Variants in SFSWAP observed in about 807,000 individuals in gnomAD.
SFSWAP encodes the protein splicing factor SWAP.
A neutral mutation model predicts 100.7 loss-of-function variants in SFSWAP; 17 were observed. That is an observed-to-expected ratio of 0.17 (90% CI 0.12 to 0.25). The LOEUF is 0.25. SFSWAP is among the 10% of genes least tolerant of loss of function. The probability of loss-of-function intolerance (pLI) is 1.00; values close to 1 mark genes in which losing one functional copy is unlikely to be tolerated. For synonymous variants in SFSWAP, 504 were observed against 510.1 expected (o/e 0.99, Z 0.16); for missense variants, 1,005 against 1,262.6 (o/e 0.80, Z 3.09).
chr12:131,758,908 G>A (rs1882415711), intron 11 of SFSWAP, among the ~76,000 whole-genome samples: 1 of 152,094 alleles, frequency 6.6e-6, no homozygotes, highest in African/African-American at 2.4e-5. Flanking sequence ...AACATCGTGA[G>A]ACCATGTCTC....
intron 7 of SFSWAP, among the ~76,000 whole-genome samples, chr12:131,743,081 G>A (rs1338117080): frequency 1.3e-5 from 2 of 152,306 alleles, no homozygotes; most frequent in East Asian, 3.9e-4. Flanking sequence ...CTCCCACCAG[G>A]TTCCTCCCAC....
At chr12:131,764,720 A>G (rs1193559893) in intron 12 of SFSWAP, 34 bp downstream of exon 12, 2 of 1,454,942 alleles carry the variant, frequency 1.4e-6, no homozygotes, top group East Asian at 2.3e-5. Flanking sequence ...CTTGAAAGAA[A>G]GGAAATACAC....
intron 4 of SFSWAP, among the ~76,000 whole-genome samples, chr12:131,721,798 T>C (rs952662920): frequency 6.6e-6 from 1 of 152,242 alleles, no homozygotes; most frequent in Non-Finnish European, 1.5e-5. Flanking sequence ...TGCTGTCTTA[T>C]CATTAGAGTT....
intron 7 of SFSWAP, among the ~76,000 whole-genome samples, chr12:131,741,488 T>TTAAGTGACCATAA (rs1175979154): frequency 6.6e-6 from 1 of 151,132 alleles, no homozygotes; most frequent in Non-Finnish European, 1.5e-5. Flanking sequence ...ATTAAGAAAA[T>TTAAGTGACCATAA]TAAGTGACCA....
intron 7 of SFSWAP, among the ~76,000 whole-genome samples, chr12:131,736,728 G>A (rs1301148749): frequency 6.6e-6 from 1 of 152,178 alleles, no homozygotes; most frequent in African/African-American, 2.4e-5. Flanking sequence ...TAAGACTTAG[G>A]AGAAGACGGA....
In SFSWAP at chr12:131,753,225, C is replaced by T; in HGVS notation, c.1184C>T (p.Thr395Ile). 1 of 1,614,222 alleles carries T rather than the reference C, an allele frequency of 6.2e-7. No individual in the cohort carries two copies. Among genetic ancestry groups the T allele is most frequent in the East Asian group, 2.2e-5 (1 of 44,888 alleles). Residue 395 changes from threonine (T) to isoleucine (I), a missense_variant, in exon 8 of 18, where the codon ACC becomes ATC. Physicochemically the swap from Thr to Ile is moderately conservative, Grantham distance 89 (BLOSUM62 -1). Around this residue, in one of 7 missense-constraint regions of SFSWAP, gnomAD observed 311 missense variants for 317.8 expected, o/e 0.98. Transcript: ENST00000261674. ...ATCGACGTGACTACTTACTACAGCA[C>T]CCTTCCTGCTGGCGTGACCGTGTCT... is the stretch of plus-strand genomic sequence containing the variant. The part of the protein sequence containing the change: ...PGIDVTTYYS[T>I]LPAGVTVSNS...
At chr12:131,732,911 TGGGGCAAACCTG>T (rs2136196240) in intron 7 of SFSWAP, among the ~76,000 whole-genome samples, 1 of 152,228 alleles carries the variant, frequency 6.6e-6, no homozygotes, top group African/African-American at 2.4e-5. Flanking sequence ...GACTCTCAGT[TGGGGCAAACCTG>T]GGGCCCCGTG....
At chr12:131,762,752 C>T (rs1882783658) in intron 11 of SFSWAP, among the ~76,000 whole-genome samples, 1 of 152,178 alleles carries the variant, frequency 6.6e-6, no homozygotes, top group South Asian at 2.1e-4. Context: ...AGGCGCCCGC[C>T]ACCACACCCA....
intron 15 of SFSWAP, among the ~76,000 whole-genome samples, chr12:131,792,646 C>T (rs1885350582): frequency 6.6e-6 from 1 of 152,022 alleles, no homozygotes; most frequent in Non-Finnish European, 1.5e-5. Flanking sequence ...GGTGCACATG[C>T]ATGTGTGTTC....
intron 7 of SFSWAP, among the ~76,000 whole-genome samples, chr12:131,740,046 T>A (rs546508567): frequency 6.6e-6 from 1 of 152,304 alleles, no homozygotes; most frequent in South Asian, 2.1e-4. Flanking sequence ...ACGGCTTGTC[T>A]GGGTATAAAA....
At position 131,764,537 on chromosome 12, in the gene SFSWAP, A is replaced by G. The variant is rs1882952507; in HGVS notation, c.1802A>G (p.Asp601Gly). 6.2e-7 allele frequency: 1 copy of G among 1,614,124 alleles called. No homozygotes were observed. The highest frequency in any genetic ancestry group is 1.3e-5 in the African/African-American group (1 of 74,944). The part of the protein sequence containing the change: ...LPLEKNRVKL[D>G]DDSDDDEESK... Reference sequence around the variant, plus strand: ...CTGGAAAAAAATCGTGTTAAGCTAGATGATGACAGTGATGATGATGAAGAA... The same window carrying G: ...CTGGAAAAAAATCGTGTTAAGCTAGGTGATGACAGTGATGATGATGAAGAA... Residue 601 changes from aspartate to glycine, a missense_variant, in exon 12 of 18, where the codon GAT (aspartate) becomes GGT (glycine). Physicochemically the swap from Asp to Gly is moderately conservative, Grantham distance 94 (BLOSUM62 -1). Transcript: ENST00000261674.
chr12:131,796,986 G>T, intron 15 of SFSWAP, 192 bp from the exon 16 acceptor site: 1 of 546,342 alleles, frequency 1.8e-6, no homozygotes, highest in South Asian at 2.9e-5. Flanking sequence ...GTCCTAAATG[G>T]GGACGCGTCA....
intron 7 of SFSWAP, among the ~76,000 whole-genome samples, chr12:131,741,156 G>T (rs1880589497): frequency 6.6e-6 from 1 of 151,598 alleles, no homozygotes; most frequent in Non-Finnish European, 1.5e-5. Context: ...ATTTTTAGTA[G>T]AGACAGGGTT....
chr12:131,773,431 C>A (rs912046237), intron 13 of SFSWAP, among the ~76,000 whole-genome samples: 1 of 151,696 alleles, frequency 6.6e-6, no homozygotes, highest in Admixed American at 6.6e-5. Context: ...CCTTGACCTC[C>A]CGGCCTGAAG....
chr12:131,747,303 G>A (rs1265810131), intron 7 of SFSWAP, among the ~76,000 whole-genome samples: 1 of 152,118 alleles, frequency 6.6e-6, no homozygotes, highest in Non-Finnish European at 1.5e-5. Flanking sequence ...GGAGAAAGTG[G>A]CCATGACAAG....
chr12:131,742,502 A>T (rs987137914), intron 7 of SFSWAP, among the ~76,000 whole-genome samples: 2 of 152,202 alleles, frequency 1.3e-5, no homozygotes, highest in South Asian at 4.1e-4. Flanking sequence ...AGCTGGTTAA[A>T]TGCCCAAAAC....
chr12:131,773,564 G>A (rs1200018976), intron 13 of SFSWAP, among the ~76,000 whole-genome samples: 3 of 152,108 alleles, frequency 2.0e-5, no homozygotes, highest in African/African-American at 7.2e-5. Context: ...GACTGGTCTT[G>A]AACTCCTGGC....
intron 14 of SFSWAP, among the ~76,000 whole-genome samples, chr12:131,783,018 T>TAAAAATACAA (rs750376802): frequency 1.3e-5 from 2 of 151,982 alleles, no homozygotes; most frequent in Non-Finnish European, 2.9e-5. Flanking sequence ...CCATCTCTAC[T>TAAAAATACAA]AAAAATACAA....
chr12:131,740,835 T>C (rs565703345), intron 7 of SFSWAP, among the ~76,000 whole-genome samples: 5 of 152,278 alleles, frequency 3.3e-5, no homozygotes, highest in African/African-American at 1.2e-4. Context: ...CCAGCCTCTA[T>C]GCAGCCCCTG....
Sources: allele counts gnomAD v4.1 joint callset (sites outside exome capture counted in the v4.1 genomes callset), GRCh38; gene constraint gnomAD v4.1.1; regional missense constraint gnomAD v4.1.1; transcripts MANE v1.5; gene names NCBI Gene and HGNC (gene_info 2026-07-23, HGNC 2026-07-21).